DTNBP1: variants seen among roughly 807,000 people sequenced by gnomAD.
DTNBP1 encodes the protein dystrobrevin binding protein 1.
A neutral mutation model predicts 42.8 loss-of-function variants in DTNBP1; 35 were observed. The ratio of observed to expected loss-of-function variants is 0.82; its 90% CI spans 0.63 to 1.09. The LOEUF (loss-of-function observed/expected upper bound fraction) is 1.09, where lower values mean the gene tolerates loss of function less well. Ranked by LOEUF, DTNBP1 falls within the 50% of genes least tolerant of loss-of-function variation. The probability of loss-of-function intolerance (pLI) is 0.00; values close to 1 mark genes in which losing one functional copy is unlikely to be tolerated. For synonymous variants in DTNBP1, 171 were observed against 162.2 expected (o/e 1.05, Z -0.41); for missense variants, 457 against 424.2 (o/e 1.08, Z -0.68).
rs945574500 is a variant in DTNBP1 at position 15,627,423 on chromosome 6, G to A, written c.275C>T (p.Thr92Ile). The change falls in exon 5 of 10, where the codon ACA becomes ATA. Residue 92 changes from threonine (T) to isoleucine (I), a missense_variant. By Grantham distance (89) the Thr-to-Ile change is moderately conservative (BLOSUM62 -1). Coordinates refer to ENST00000344537, the MANE Select transcript of DTNBP1 (RefSeq NM_032122.5). Reference protein sequence around the residue: ...MLSAHWEKKKTSLVELQEQLQ... With the variant: ...MLSAHWEKKKISLVELQEQLQ... Reference sequence around the variant, plus strand: ...CTGCTCTTGCAGCTCCACGAGGCTTGTCTTTTTCTTCTCCCAGTGCGCAGA... The same window carrying A: ...CTGCTCTTGCAGCTCCACGAGGCTTATCTTTTTCTTCTCCCAGTGCGCAGA... The A allele has an allele frequency of 2.5e-6, 4 of 1,613,856 alleles. No individual in the cohort carries two copies. In the African/African-American group the frequency reaches 4.0e-5, roughly 16 times the overall value.
intron 6 of DTNBP1, 32 bp downstream of exon 6, chr6:15,615,235 A>C: frequency 6.2e-7 from 1 of 1,614,110 alleles, no homozygotes; most frequent in Non-Finnish European, 8.5e-7. Context: ...TCGAGACTGG[A>C]ATGAATACTG....
chr6:15,600,120 T>C (rs931642675), intron 6 of DTNBP1, among the ~76,000 whole-genome samples: 1 of 151,996 alleles, frequency 6.6e-6, no homozygotes, highest in Non-Finnish European at 1.5e-5. Context: ...AAAATCTCAA[T>C]CCATCCTTAC....
intron 7 of DTNBP1, among the ~76,000 whole-genome samples, chr6:15,576,324 T>G: frequency 6.6e-6 from 1 of 151,948 alleles, no homozygotes; most frequent in Non-Finnish European, 1.5e-5. Flanking sequence ...GGTTTCACCA[T>G]GTTGGCCAGG....
intron 4 of DTNBP1, among the ~76,000 whole-genome samples, chr6:15,628,398 CTTTTTTTTT>C (rs70996561): frequency 1.3e-5 from 1 of 77,060 alleles, no homozygotes; most frequent in African/African-American, 5.3e-5. Flanking sequence ...GATTAAGGTT[CTTTTTTTTT>C]TTTTTTTTTT....
chr6:15,540,399 A>G (rs1352546713), intron 7 of DTNBP1, among the ~76,000 whole-genome samples: 1 of 152,212 alleles, frequency 6.6e-6, no homozygotes, highest in South Asian at 2.1e-4. Context: ...CCAAAGATCA[A>G]TGCAGAAATC....
chr6:15,533,218 AG>A, intron 8 of DTNBP1, 21 bp downstream of exon 8: 1 of 1,612,578 alleles, frequency 6.2e-7, no homozygotes, highest in Non-Finnish European at 8.5e-7. Context: ...TCCCCACACC[AG>A]CAGCCCCAGC....
intron 3 of DTNBP1, among the ~76,000 whole-genome samples, chr6:15,646,507 G>GA (rs139491827): frequency 0.097 from 14,339 of 147,506 alleles, 750 homozygotes; most frequent in Non-Finnish European, 0.11. Flanking sequence ...CCCAAAATCA[G>GA]AAAAAAAAAA....
At chr6:15,580,974 C>T (rs541433250) in intron 7 of DTNBP1, among the ~76,000 whole-genome samples, 33 of 152,172 alleles carry the variant, frequency 2.2e-4, no homozygotes, top group Non-Finnish European at 4.3e-4. Context: ...TCAGCTACCA[C>T]GAAAAGAAAA....
At chr6:15,608,278 A>T (rs1465798528) in intron 6 of DTNBP1, among the ~76,000 whole-genome samples, 1 of 152,118 alleles carries the variant, frequency 6.6e-6, no homozygotes, top group African/African-American at 2.4e-5. Flanking sequence ...GTTTAAAAAA[A>T]AACACACACA....
chr6:15,651,329 A>AG lies in DTNBP1; in HGVS notation c.144_145insC (p.Glu50ArgfsTer4), dbSNP rs1760979384. ...AACACTTACCTGCTAAGTAATTCTA[A>AG]TCCAGCAGAGTACTTTGGCAAAAAT... On this transcript the variant is annotated frameshift_variant, in exon 3 of 10. Coordinates refer to ENST00000344537, the MANE Select transcript of DTNBP1 (RefSeq NM_032122.5). LOFTEE classifies it high-confidence loss of function. 1 of 1,611,916 alleles carries AG rather than the reference A, an allele frequency of 6.2e-7. No individual in the cohort carries two copies. Among genetic ancestry groups the AG allele is most frequent in the Non-Finnish European group, 8.5e-7 (1 of 1,179,742 alleles).
chr6:15,524,267 C>G, intron 9 of DTNBP1: 1 of 1,537,290 alleles, frequency 6.5e-7, no homozygotes, highest in Middle Eastern at 2.3e-4. Flanking sequence ...GGAGGGAAAA[C>G]AAACAAGAAA....
intron 7 of DTNBP1, among the ~76,000 whole-genome samples, chr6:15,549,283 G>A (rs113754278): frequency 0.025 from 3,864 of 152,022 alleles, 181 homozygotes; most frequent in African/African-American, 0.087. Flanking sequence ...TCAGCAGTTC[G>A]AGACCAGCCT....
chr6:15,560,488 T>C (rs1774785403), intron 7 of DTNBP1, among the ~76,000 whole-genome samples: 1 of 152,244 alleles, frequency 6.6e-6, no homozygotes, highest in Non-Finnish European at 1.5e-5. Flanking sequence ...TATGGCAATA[T>C]AATTATTTGC....
chr6:15,632,554 T>C (rs1277364601), intron 4 of DTNBP1, among the ~76,000 whole-genome samples: 1 of 152,068 alleles, frequency 6.6e-6, no homozygotes, highest in Admixed American at 6.6e-5. Context: ...TACAAAGTAA[T>C]AGAATAAGAG....
intron 6 of DTNBP1, among the ~76,000 whole-genome samples, chr6:15,596,796 T>C (rs1776532884): frequency 6.6e-6 from 1 of 152,228 alleles, no homozygotes; most frequent in Non-Finnish European, 1.5e-5. Context: ...TATGCAAAAG[T>C]GGAGTAGGCT....
At chr6:15,542,275 A>G (rs1773610786) in intron 7 of DTNBP1, among the ~76,000 whole-genome samples, 1 of 152,250 alleles carries the variant, frequency 6.6e-6, no homozygotes, top group African/African-American at 2.4e-5. Flanking sequence ...GATAAAAACA[A>G]TTGCCAACAG....
At chr6:15,569,848 G>A (rs1775267427) in intron 7 of DTNBP1, among the ~76,000 whole-genome samples, 1 of 152,056 alleles carries the variant, frequency 6.6e-6, no homozygotes, top group Non-Finnish European at 1.5e-5. Context: ...ACCACGTCAG[G>A]TAGTCCCTGC....
chr6:15,566,586 C>T (rs543737270), intron 7 of DTNBP1, among the ~76,000 whole-genome samples: 76 of 151,812 alleles, frequency 5.0e-4, no homozygotes, highest in Non-Finnish European at 8.5e-4. Flanking sequence ...CCTCACATGA[C>T]AGATAAAGAA....
chr6:15,604,511 G>A (rs1307071837), intron 6 of DTNBP1, among the ~76,000 whole-genome samples: 1 of 152,010 alleles, frequency 6.6e-6, no homozygotes, highest in Non-Finnish European at 1.5e-5. Flanking sequence ...TCTCAGCTCC[G>A]CAAAGCCAGG....
Sources: gnomAD v4.1 joint callset for allele counts (sites outside exome capture counted in the v4.1 genomes callset) on GRCh38, gnomAD v4.1.1 for gene constraint, MANE v1.5 for transcripts, NCBI Gene and HGNC (gene_info 2026-07-23, HGNC 2026-07-21) for gene names.